PTPRN2: variants seen among roughly 807,000 people sequenced by gnomAD.
The protein encoded by PTPRN2 is receptor-type tyrosine-protein phosphatase N2.
A neutral mutation model predicts 118.8 loss-of-function variants in PTPRN2; 74 were observed. The ratio of observed to expected loss-of-function variants is 0.62; its 90% CI spans 0.52 to 0.76. PTPRN2 has a LOEUF of 0.76. Among genes scored for constraint, PTPRN2 ranks in the 30% least tolerant of loss-of-function variants. PTPRN2 has a pLI of 0.00. For missense variants in PTPRN2, 1,481 were observed against 1,394.4 expected, an observed-to-expected ratio of 1.06 and a Z score of -0.99; for synonymous variants, 641 against 608.0, an observed-to-expected ratio of 1.05 and a Z score of -0.80.
rs1247935757 is a variant in PTPRN2, at chr7:158,071,408, GTT to G, written c.1723+9888_1723+9889del. ...TCGTGGTGGAGGTGCTCGTGGTGGA[GTT>G]GCTCCTGGTGGTGGAGGTGCTCGTG... On this transcript the variant is annotated intron_variant, in intron 11 of 22. Transcript: ENST00000389418. 4.2e-4 allele frequency among the ~76,000 whole-genome samples: 46 copies of G among 108,960 alleles called. 3 individuals carry two copies. The highest frequency in any genetic ancestry group is 7.3e-4 in the Non-Finnish European group (37 of 50,638). 71.5% of individuals were successfully genotyped at this position (108,960 alleles called of 152,430 possible). A position where few individuals can be genotyped will look rare whatever the true frequency, so the allele number is the denominator to read the frequency against.
At chr7:157,640,050 C>G (rs1215098533) in intron 14 of PTPRN2, among the ~76,000 whole-genome samples, 3 of 152,200 alleles carry the variant, frequency 2.0e-5, no homozygotes, top group African/African-American at 7.2e-5. Context: ...AGCTTATAAT[C>G]TGGAATTATA....
intron 12 of PTPRN2, among the ~76,000 whole-genome samples, chr7:157,747,863 C>T (rs1374485914): frequency 5.4e-5 from 7 of 130,574 alleles, no homozygotes; most frequent in South Asian, 2.5e-4. Flanking sequence ...CTGAGGCCTG[C>T]GTCCCTGAGC....
intron 2 of PTPRN2, among the ~76,000 whole-genome samples, chr7:158,472,012 GCCACGGTTCCTGCCCCA>G (rs1465138703): frequency 6.6e-6 from 1 of 151,824 alleles, no homozygotes; most frequent in African/African-American, 2.4e-5. Flanking sequence ...TTCCGGCCTC[GCCACGGTTCCTGCCCCA>G]CCACGGTTCC....
chr7:158,130,503 AAC>A (rs532116900), intron 9 of PTPRN2, among the ~76,000 whole-genome samples: 1,510 of 149,272 alleles, frequency 0.01, 13 homozygotes, highest in Non-Finnish European at 0.018. Context: ...ACTTCTACCC[AAC>A]ACACACACTC....
chr7:157,662,783 G>A (rs117440269), intron 13 of PTPRN2, among the ~76,000 whole-genome samples: 3 of 152,300 alleles, frequency 2.0e-5, no homozygotes, highest in East Asian at 1.9e-4. Context: ...GACTGCTTTC[G>A]GAATGTGCTT....
chr7:157,621,578 C>A, intron 14 of PTPRN2, 69 bp from the exon 15 acceptor site: 1 of 1,585,682 alleles, frequency 6.3e-7, no homozygotes, highest in Non-Finnish European at 8.6e-7. Context: ...GCACAAAAGG[C>A]AGCGGAGGCC....
intron 3 of PTPRN2, among the ~76,000 whole-genome samples, chr7:158,263,086 C>T (rs1006617990): frequency 2.1e-5 from 3 of 144,102 alleles, no homozygotes; most frequent in African/African-American, 7.9e-5. Context: ...ACACACACCA[C>T]ACACATTCAC....
intron 3 of PTPRN2, among the ~76,000 whole-genome samples, chr7:158,244,824 G>A (rs539492476): frequency 6.9e-5 from 8 of 115,206 alleles, no homozygotes; most frequent in African/African-American, 2.7e-4. Flanking sequence ...GTGTATGAGT[G>A]TGAGTTGTGC....
chr7:158,227,455 A>G (rs6970487), intron 3 of PTPRN2, among the ~76,000 whole-genome samples: 77,039 of 152,068 alleles, frequency 0.51, 21,218 homozygotes, highest in African/African-American at 0.74. Flanking sequence ...ATTTCAAAAT[A>G]TGAACGTGGT....
intron 6 of PTPRN2, among the ~76,000 whole-genome samples, chr7:158,149,494 A>C (rs115591316): frequency 0.062 from 9,477 of 152,112 alleles, 300 homozygotes; most frequent in South Asian, 0.11. Context: ...AATCCAATTA[A>C]CTCACTGATT....
chr7:158,587,594 A>G lies in PTPRN2; in HGVS notation c.76T>C (p.Ser26Pro). ...GGGAGCTGCCGGCCGCGGGGGACGG[A>G]CGAAGGGGCGGCAGGCAGGACGCGT... Reference protein sequence around the residue: ...PPRVLPAAPSSVPRGRQLPGR... With the variant: ...PPRVLPAAPSPVPRGRQLPGR... The change falls in exon 1 of 23, where the codon TCC becomes CCC. Residue 26 changes from serine (S) to proline (P), a missense_variant. Ser to Pro is a moderately conservative substitution (Grantham distance 74, BLOSUM62 -1). Around this residue, in one of 3 missense-constraint regions of PTPRN2, gnomAD observed 1,115 missense variants for 994.2 expected, o/e 1.12. Transcript: ENST00000389418. The G allele has an allele frequency of 1.5e-6, 2 of 1,343,146 alleles. No homozygotes were observed. The highest frequency in any genetic ancestry group is 6.2e-5 in the East Asian group (2 of 32,334). 83.2% of individuals were successfully genotyped at this position (1,343,146 alleles called of 1,614,324 possible).
intron 2 of PTPRN2, among the ~76,000 whole-genome samples, chr7:158,447,339 A>C (rs1478713483): frequency 4.6e-5 from 7 of 152,222 alleles, no homozygotes; most frequent in Non-Finnish European, 2.9e-5. Context: ...CTAAATACCT[A>C]ATTGGCTGTA....
chr7:158,280,931 G>C (rs1254981607), intron 3 of PTPRN2, among the ~76,000 whole-genome samples: 1 of 152,216 alleles, frequency 6.6e-6, no homozygotes, highest in Non-Finnish European at 1.5e-5. Context: ...GCTACACGGT[G>C]CTCTGGAAAC....
chr7:158,352,906 G>A (rs1808112792), intron 2 of PTPRN2, among the ~76,000 whole-genome samples: 1 of 152,248 alleles, frequency 6.6e-6, no homozygotes, highest in Admixed American at 6.5e-5. Flanking sequence ...GAACATGGCA[G>A]CTGCTTTCGC....
intron 3 of PTPRN2, among the ~76,000 whole-genome samples, chr7:158,228,284 T>C (rs559759235): frequency 6.6e-6 from 1 of 152,256 alleles, no homozygotes; most frequent in African/African-American, 2.4e-5. Flanking sequence ...TCCTCATGCA[T>C]CTGCCTTCAA....
intron 14 of PTPRN2, among the ~76,000 whole-genome samples, chr7:157,649,852 TG>T (rs552166001): frequency 1.3e-3 from 190 of 149,726 alleles, no homozygotes; most frequent in African/African-American, 4.6e-3. Context: ...CTGAACTCGG[TG>T]GGTTGGACCC....
At chr7:158,154,417 A>T (rs1238434068) in intron 6 of PTPRN2, among the ~76,000 whole-genome samples, 2 of 152,212 alleles carry the variant, frequency 1.3e-5, no homozygotes, top group Admixed American at 6.5e-5. Flanking sequence ...TGTTGACAGG[A>T]AGTTGTGTCC....
chr7:158,440,919 AGTGATAGTG>A (rs1239393464), intron 2 of PTPRN2, among the ~76,000 whole-genome samples: 1 of 112,616 alleles, frequency 8.9e-6, no homozygotes, highest in East Asian at 2.8e-4. Context: ...TGATGATGGT[AGTGATAGTG>A]GTGATGGTGG....
chr7:158,191,413 G>C (rs767215977), intron 5 of PTPRN2, among the ~76,000 whole-genome samples: 20 of 151,798 alleles, frequency 1.3e-4, no homozygotes, highest in African/African-American at 4.4e-4. Context: ...TGTGAGCGTC[G>C]CCATCAAACC....
Sources: gnomAD v4.1 joint callset for allele counts (sites outside exome capture counted in the v4.1 genomes callset) on GRCh38, gnomAD v4.1.1 for gene constraint, gnomAD v4.1.1 regional missense constraint, MANE v1.5 for transcripts, NCBI Gene and HGNC (gene_info 2026-07-23, HGNC 2026-07-21) for gene names.